Variants in CPPED1 observed in about 807,000 individuals in gnomAD.
CPPED1 encodes the protein serine/threonine-protein phosphatase CPPED1.
CPPED1 carries 28 observed loss-of-function variants against 28.0 expected under a neutral mutation model. That is an observed-to-expected ratio of 1.00 (90% CI 0.74 to 1.37). The LOEUF is 1.37. Among genes scored for constraint, CPPED1 ranks in the 40% most tolerant of loss-of-function variants. The pLI, the probability that CPPED1 is intolerant of heterozygous loss-of-function variation, is 0.00. For missense variants in CPPED1, 504 were observed against 416.5 expected (o/e 1.21, Z -1.83); for synonymous variants, 198 against 180.2 (o/e 1.10, Z -0.79).
chr16:12,708,549 T>A (rs1309260040), intron 2 of CPPED1, among the ~76,000 whole-genome samples: 4 of 152,148 alleles, frequency 2.6e-5, no homozygotes, highest in Admixed American at 6.6e-5. Flanking sequence ...AACCAGTAAA[T>A]CGTTTCAGAA....
intron 1 of CPPED1, among the ~76,000 whole-genome samples, chr16:12,783,431 G>A (rs757032698): frequency 1.4e-4 from 21 of 151,876 alleles, no homozygotes; most frequent in Admixed American, 4.6e-4. Context: ...CCTGGGAGGC[G>A]GAAACTACAG....
intron 2 of CPPED1, among the ~76,000 whole-genome samples, chr16:12,738,570 C>G (rs1217113925): frequency 6.6e-6 from 1 of 152,008 alleles, no homozygotes. Flanking sequence ...TTCATTTATT[C>G]AGAAGCAAGA....
At chr16:12,671,714 G>A (rs759961528) in intron 3 of CPPED1, among the ~76,000 whole-genome samples, 2 of 152,198 alleles carry the variant, frequency 1.3e-5, no homozygotes, top group Non-Finnish European at 2.9e-5. Flanking sequence ...GGTCCCATAA[G>A]ATTATAATGC....
At chr16:12,753,479 T>C (rs993655245) in intron 2 of CPPED1, 1 of 152,334 alleles carries the variant, frequency 6.6e-6, no homozygotes, top group Admixed American at 6.5e-5. Flanking sequence ...CAGAAGGCCA[T>C]GCGGTCCCAG....
At chr16:12,774,057 A>G (rs2080484013) in intron 2 of CPPED1, among the ~76,000 whole-genome samples, 1 of 152,182 alleles carries the variant, frequency 6.6e-6, no homozygotes, top group African/African-American at 2.4e-5. Flanking sequence ...TTCTGACTCA[A>G]AGGCTCCTGT....
At position 12,662,372 on chromosome 16, in the gene CPPED1, T is replaced by A. The variant is rs578007924; in HGVS notation, c.*2514A>T. 1.3e-5 allele frequency: 2 copies of A among 152,340 alleles called. No homozygotes were observed. The highest frequency in any genetic ancestry group is 4.1e-4 in the South Asian group (2 of 4,822). 9.4% of individuals were successfully genotyped at this position (152,340 alleles called of 1,614,324 possible). On this transcript the variant is annotated 3_prime_UTR_variant, in exon 4 of 4. Coordinates refer to ENST00000381774, the MANE Select transcript of CPPED1 (RefSeq NM_018340.3). The stretch of plus-strand genomic sequence containing the variant: ...AAAAAGTGGTGAGAAATTAATATGA[T>A]TCTCTCTTCCCTTTTAAAAAATTAA...
At position 12,664,309 on chromosome 16, in the gene CPPED1, C is replaced by T; in HGVS notation, c.*577G>A. 1 of 934,322 alleles carries T rather than the reference C, an allele frequency of 1.1e-6. No homozygotes were observed. The highest frequency in any genetic ancestry group is 1.3e-6 in the Non-Finnish European group (1 of 783,068). 57.9% of individuals were successfully genotyped at this position (934,322 alleles called of 1,614,324 possible). ...ATCAACTGCATTCTGTTCCTATCATCAGAAGTCTCAGAATTGAACAGTAAA... is the reference window on the plus strand; with the variant it reads ...ATCAACTGCATTCTGTTCCTATCATTAGAAGTCTCAGAATTGAACAGTAAA... On this transcript the variant is annotated 3_prime_UTR_variant, in exon 4 of 4. Coordinates refer to ENST00000381774, the MANE Select transcript of CPPED1 (RefSeq NM_018340.3). The surrounding 1 kb of genome is among the most constrained non-coding windows in gnomAD (Gnocchi z 4.2).
At chr16:12,703,012 CAAAA>C (rs11385568) in intron 3 of CPPED1, among the ~76,000 whole-genome samples, 1 of 122,132 alleles carries the variant, frequency 8.2e-6, no homozygotes, top group Admixed American at 8.3e-5. Flanking sequence ...GACTCCGTCT[CAAAA>C]AAAAAAAAAA....
chr16:12,683,700 C>T (rs1196326915), intron 3 of CPPED1, among the ~76,000 whole-genome samples: 3 of 152,174 alleles, frequency 2.0e-5, no homozygotes, highest in East Asian at 1.9e-4. Flanking sequence ...TGCCTGAACA[C>T]GCTTACCCCC....
intron 2 of CPPED1, among the ~76,000 whole-genome samples, chr16:12,738,366 T>G (rs958541258): frequency 6.6e-6 from 1 of 151,948 alleles, no homozygotes; most frequent in Non-Finnish European, 1.5e-5. Context: ...GAATTACGAG[T>G]GATTTTCCTC....
intron 2 of CPPED1, among the ~76,000 whole-genome samples, chr16:12,740,549 A>T (rs571959547): frequency 6.6e-6 from 1 of 152,270 alleles, no homozygotes; most frequent in South Asian, 2.1e-4. Flanking sequence ...CATGGAGTTT[A>T]CCGTCTACTG....
intron 3 of CPPED1, among the ~76,000 whole-genome samples, chr16:12,665,393 A>G (rs2141163287): frequency 6.6e-6 from 1 of 152,290 alleles, no homozygotes; most frequent in Admixed American, 6.5e-5. Flanking sequence ...AGAAAATGAG[A>G]GAAGGAAGAT....
At chr16:12,666,289 C>T (rs73504049) in intron 3 of CPPED1, among the ~76,000 whole-genome samples, 1,941 of 152,174 alleles carry the variant, frequency 0.013, 45 homozygotes, top group African/African-American at 0.045. Flanking sequence ...ACAGGCCAGA[C>T]ACAAAACAGA....
chr16:12,675,394 G>C (rs929072553), intron 3 of CPPED1, among the ~76,000 whole-genome samples: 1 of 152,210 alleles, frequency 6.6e-6, no homozygotes, highest in Admixed American at 6.5e-5. Context: ...AACAGAGGAT[G>C]ATTTCTGTGG....
At position 12,664,372 on chromosome 16, in the gene CPPED1, T is replaced by C. The variant is rs2141162465; in HGVS notation, c.*514A>G. 1.0e-6 allele frequency: 1 copy of C among 996,542 alleles called. No individual in the cohort carries two copies. 61.7% of individuals were successfully genotyped at this position (996,542 alleles called of 1,614,324 possible). ...GGCTCCTTGTCAAAATAAGTCTGCA[T>C]GGCTCTCACAACAAGGGAGACAGCT... On this transcript the variant is annotated 3_prime_UTR_variant, in exon 4 of 4. Coordinates refer to ENST00000381774, the MANE Select transcript of CPPED1 (RefSeq NM_018340.3). The surrounding 1 kb of genome is among the most constrained non-coding windows in gnomAD (Gnocchi z 4.2).
chr16:12,769,482 G>A (rs745937043), intron 2 of CPPED1, among the ~76,000 whole-genome samples: 77 of 152,118 alleles, frequency 5.1e-4, no homozygotes, highest in Admixed American at 1.3e-4. Flanking sequence ...GGACTGCCAC[G>A]TAGAAAATGC....
rs1165421323 is a variant in CPPED1 at position 12,709,691 on chromosome 16, A to G, written c.290-4642T>C. ...ATCTCTTTGTGAGTTAGGAAGAGAAATAAACATCCTTAACTGGATAAAGGA... is the reference window on the plus strand; with the variant it reads ...ATCTCTTTGTGAGTTAGGAAGAGAAGTAAACATCCTTAACTGGATAAAGGA... On this transcript the variant is annotated intron_variant, in intron 2 of 3. Transcript: ENST00000381774. This position sits in a 1 kb window ranked among gnomAD's most constrained non-coding sequence, Gnocchi z 4.4. 1.3e-5 allele frequency among the ~76,000 whole-genome samples: 2 copies of G among 152,196 alleles called. No homozygotes were observed. Among genetic ancestry groups the G allele is most frequent in the African/African-American group, 4.8e-5 (2 of 41,456 alleles).
intron 2 of CPPED1, among the ~76,000 whole-genome samples, chr16:12,774,051 G>C (rs1041419114): frequency 2.6e-5 from 4 of 152,172 alleles, no homozygotes; most frequent in African/African-American, 9.7e-5. Context: ...GCTGCGTTCT[G>C]ACTCAAAGGC....
intron 2 of CPPED1, among the ~76,000 whole-genome samples, chr16:12,750,134 A>G (rs1404851270): frequency 2.0e-5 from 3 of 152,192 alleles, no homozygotes; most frequent in African/African-American, 4.8e-5. Flanking sequence ...CGACCACTAA[A>G]ACTTTCTCCA....
Sources: allele counts gnomAD v4.1 joint callset (sites outside exome capture counted in the v4.1 genomes callset), GRCh38; gene constraint gnomAD v4.1.1; non-coding constraint Gnocchi (gnomAD v3.1); transcripts MANE v1.5; gene names NCBI Gene and HGNC (gene_info 2026-07-23, HGNC 2026-07-21).